The following ATP6V0E1 variants were observed in gnomAD, a reference collection of about 807,000 sequenced individuals.
ATP6V0E1 encodes V-type proton ATPase subunit e 1.
A neutral mutation model predicts 11.6 loss-of-function variants in ATP6V0E1; 4 were observed. The observed-to-expected ratio is 0.35, with a 90% confidence interval of 0.17 to 0.79. The LOEUF is 0.79. Ranked by LOEUF, ATP6V0E1 falls within the 30% of genes least tolerant of loss-of-function variation. The pLI is 0.54. For synonymous variants in ATP6V0E1, 36 were observed against 34.8 expected (o/e 1.04, Z -0.13); for missense variants, 105 against 100.0 (o/e 1.05, Z -0.21).
chr5:172,985,758 C>G (rs920299840), intron 1 of ATP6V0E1, among the ~76,000 whole-genome samples: 2 of 152,154 alleles, frequency 1.3e-5, no homozygotes, highest in Non-Finnish European at 2.9e-5. Flanking sequence ...TCCACTTAGC[C>G]CTAGAGAGTG....
At chr5:173,028,897 G>C (rs567431687) in intron 3 of ATP6V0E1, among the ~76,000 whole-genome samples, 1 of 152,304 alleles carries the variant, frequency 6.6e-6, no homozygotes, top group African/African-American at 2.4e-5. Context: ...TGTGGGGTGT[G>C]CTGCTACCAT....
At chr5:173,001,783 A>G (rs973903879) in intron 2 of ATP6V0E1, among the ~76,000 whole-genome samples, 2 of 143,746 alleles carry the variant, frequency 1.4e-5, no homozygotes, top group African/African-American at 5.2e-5. Flanking sequence ...CAATGGCTGG[A>G]TCTCAGCTCA....
At chr5:172,988,334 T>C (rs1158912128) in intron 1 of ATP6V0E1, among the ~76,000 whole-genome samples, 1 of 152,210 alleles carries the variant, frequency 6.6e-6, no homozygotes, top group African/African-American at 2.4e-5. Context: ...GATTGAGCAG[T>C]GTCTCTCCTA....
At chr5:173,024,452 G>A (rs1241690584) in intron 3 of ATP6V0E1, among the ~76,000 whole-genome samples, 1 of 151,792 alleles carries the variant, frequency 6.6e-6, no homozygotes, top group Admixed American at 6.6e-5. Flanking sequence ...ATGTACTTTT[G>A]GTGTTAGTTT....
intron 2 of ATP6V0E1, among the ~76,000 whole-genome samples, chr5:173,012,542 C>T (rs983012298): frequency 2.6e-5 from 4 of 151,670 alleles, no homozygotes; most frequent in Admixed American, 1.3e-4. Context: ...CACCTGAGGT[C>T]GGGATTTTGA....
chr5:172,985,041 T>TC, intron 1 of ATP6V0E1, among the ~76,000 whole-genome samples: 1 of 152,188 alleles, frequency 6.6e-6, no homozygotes, highest in Non-Finnish European at 1.5e-5. Flanking sequence ...GGTCAGGAGA[T>TC]CGAGACCATC....
intron 2 of ATP6V0E1, among the ~76,000 whole-genome samples, chr5:173,009,055 G>A (rs972067406): frequency 4.7e-5 from 7 of 148,828 alleles, no homozygotes; most frequent in African/African-American, 9.9e-5. Context: ...GTGAAACCTC[G>A]TCTCTAATAA....
In ATP6V0E1 at chr5:173,000,536, A is replaced by G. The variant is rs1487155011; in HGVS notation, c.152+5714A>G. Among the ~76,000 whole-genome samples, 6 of 152,170 alleles carry G rather than the reference A, an allele frequency of 3.9e-5. No individual in the cohort carries two copies. In the East Asian group the frequency reaches 9.6e-4, roughly 24 times the overall value. On this transcript the variant is annotated intron_variant, in intron 2 of 3. Transcript: ENST00000519374. ...CTGTAAATCTTACTGGCATCATGAT[A>G]TAGGAAAATAAATACTATCTAAGAA...
At chr5:172,986,862 A>G (rs1289602384) in intron 1 of ATP6V0E1, 3 of 352,382 alleles carry the variant, frequency 8.5e-6, no homozygotes, top group Non-Finnish European at 1.7e-5. Context: ...ATACTGGCTC[A>G]CTGCACCCTC....
At position 172,992,347 on chromosome 5, in the gene ATP6V0E1, G is replaced by A. The variant is rs547259328; in HGVS notation, c.105-2428G>A. Among the ~76,000 whole-genome samples the A allele has an allele frequency of 6.9e-4, 105 of 152,270 alleles. 1 individual carries two copies. Among genetic ancestry groups the A allele is most frequent in the South Asian group, 4.1e-4 (2 of 4,830 alleles). ...ATTGCAGGCGTGAGCCACTGCGCCCGGCCATAACTTCCCTTTTCACTCAGA... is the reference window on the plus strand; with the variant it reads ...ATTGCAGGCGTGAGCCACTGCGCCCAGCCATAACTTCCCTTTTCACTCAGA... On this transcript the variant is annotated intron_variant, in intron 1 of 3. Transcript: ENST00000519374.
In ATP6V0E1 at chr5:173,006,849, T is replaced by C. The variant is rs147521672; in HGVS notation, c.152+12027T>C. Among the ~76,000 whole-genome samples the C allele has an allele frequency of 8.9e-4, 136 of 152,288 alleles. 1 individual carries two copies. The highest frequency in any genetic ancestry group is 3.1e-3 in the African/African-American group (129 of 41,568). On this transcript the variant is annotated intron_variant, in intron 2 of 3. Transcript: ENST00000519374. ...TGTTTGAATTTCTTATGGATACATTTGAGATGTTTGTTTGTAGGGGAAGGG... is the reference window on the plus strand; with the variant it reads ...TGTTTGAATTTCTTATGGATACATTCGAGATGTTTGTTTGTAGGGGAAGGG...
rs542456646 is a variant in ATP6V0E1 at position 172,984,459 on chromosome 5, A to G, written c.104+495A>G. ...AACATTGAGCCCAGGCCTTGCATCT[A>G]GTGGGCGCCAGGAGGCGGTTGGGGC... is the stretch of plus-strand genomic sequence containing the variant. On this transcript the variant is annotated intron_variant, in intron 1 of 3. Coordinates refer to ENST00000519374, the MANE Select transcript of ATP6V0E1 (RefSeq NM_003945.4). Among the ~76,000 whole-genome samples the G allele has an allele frequency of 1.3e-3, 191 of 152,288 alleles. 1 individual carries two copies. The highest frequency in any genetic ancestry group is 2.5e-4 in the Non-Finnish European group (17 of 68,024).
intron 2 of ATP6V0E1, among the ~76,000 whole-genome samples, chr5:172,998,609 T>TA (rs59297626): frequency 0.033 from 3,946 of 119,852 alleles, 89 homozygotes; most frequent in South Asian, 0.071. Flanking sequence ...GACTCCATCT[T>TA]AAAAAAAAAA....
intron 1 of ATP6V0E1, among the ~76,000 whole-genome samples, chr5:172,985,888 A>G (rs2113574945): frequency 6.6e-6 from 1 of 152,362 alleles, no homozygotes; most frequent in East Asian, 1.9e-4. Context: ...ACTTAAACAG[A>G]TGGTACAGCC....
In ATP6V0E1 at chr5:173,034,655, C is replaced by T. The variant is rs1368941928; in HGVS notation, c.*293C>T. On this transcript the variant is annotated 3_prime_UTR_variant, in exon 4 of 4. Coordinates refer to ENST00000519374, the MANE Select transcript of ATP6V0E1 (RefSeq NM_003945.4). ...GAAGATGCTGTTCTTCTGAGAGATA[C>T]GTTACTCTCTCCTTGGAATCTGTGG... 9.3e-6 allele frequency: 5 copies of T among 538,610 alleles called. No individual in the cohort carries two copies. The highest frequency in any genetic ancestry group is 1.9e-5 in the African/African-American group (1 of 52,896). 33.4% of individuals were successfully genotyped at this position (538,610 alleles called of 1,614,324 possible).
intron 3 of ATP6V0E1, among the ~76,000 whole-genome samples, chr5:173,033,874 A>C (rs529145959): frequency 3.9e-5 from 6 of 152,192 alleles, no homozygotes; most frequent in South Asian, 4.2e-4. Context: ...CAAAACAAAA[A>C]AAAAGATGGT....
At chr5:173,027,375 G>C (rs571552972) in intron 3 of ATP6V0E1, among the ~76,000 whole-genome samples, 1 of 132,906 alleles carries the variant, frequency 7.5e-6, no homozygotes, top group East Asian at 3.8e-4. Flanking sequence ...GGTGGCGGGT[G>C]CCTGTAGTCC....
chr5:173,002,417 A>G (rs919312186), intron 2 of ATP6V0E1, among the ~76,000 whole-genome samples: 3 of 152,192 alleles, frequency 2.0e-5, no homozygotes, highest in East Asian at 1.9e-4. Context: ...GGAAATTTTA[A>G]TAGAAAAACT....
At chr5:173,008,643 C>A (rs894422129) in intron 2 of ATP6V0E1, among the ~76,000 whole-genome samples, 14 of 143,152 alleles carry the variant, frequency 9.8e-5, no homozygotes, top group African/African-American at 3.2e-4. Context: ...GGCGCGGTGG[C>A]TCACACCTGT....
Sources: gnomAD v4.1 joint callset for allele counts (sites outside exome capture counted in the v4.1 genomes callset) on GRCh38, gnomAD v4.1.1 for gene constraint, MANE v1.5 for transcripts, NCBI Gene and HGNC (gene_info 2026-07-23, HGNC 2026-07-21) for gene names.